Variants in TBX15 observed in about 807,000 individuals in gnomAD.
TBX15 encodes T-box transcription factor 15.
Under a neutral mutation model 53.9 loss-of-function variants are expected in TBX15, and 18 were observed. The ratio of observed to expected loss-of-function variants is 0.33; its 90% CI spans 0.23 to 0.49. The LOEUF (loss-of-function observed/expected upper bound fraction) is 0.49, where lower values mean the gene tolerates loss of function less well. Among genes scored for constraint, TBX15 ranks in the 20% least tolerant of loss-of-function variants. The pLI, the probability that TBX15 is intolerant of heterozygous loss-of-function variation, is 0.98. For missense variants in TBX15, 692 were observed against 749.5 expected, an observed-to-expected ratio of 0.92 and a Z score of 0.90; for synonymous variants, 295 against 278.0, an observed-to-expected ratio of 1.06 and a Z score of -0.61.
In TBX15 at chr1:118,885,012, G is replaced by A; in HGVS notation, c.1529C>T (p.Ser510Phe). 1.2e-6 allele frequency: 2 copies of A among 1,614,164 alleles called. No individual in the cohort carries two copies. The highest frequency in any genetic ancestry group is 1.7e-6 in the Non-Finnish European group (2 of 1,180,036). Residue 510 changes from serine (S) to phenylalanine (F), a missense_variant, in exon 8 of 8, where the codon TCC (serine) becomes TTC (phenylalanine). Coordinates refer to ENST00000369429, the MANE Select transcript of TBX15 (RefSeq NM_001330677.2). ...HMQQSSYNAFSLHNPYNLYGY... is the reference protein window; with the variant it reads ...HMQQSSYNAFFLHNPYNLYGY... ...ATACAGGTTGTAAGGGTTGTGAAGG[G>A]AGAAGGCATTGTAGGAGCTCTGCTG...
At chr1:118,904,597 T>G (rs1026842249) in intron 6 of TBX15, among the ~76,000 whole-genome samples, 2 of 152,202 alleles carry the variant, frequency 1.3e-5, no homozygotes, top group Non-Finnish European at 2.9e-5. Flanking sequence ...GAGTTAAAAT[T>G]GCTCCTTACC....
intron 5 of TBX15, among the ~76,000 whole-genome samples, chr1:118,918,276 G>A (rs1305034962): frequency 6.6e-6 from 1 of 152,090 alleles, no homozygotes; most frequent in East Asian, 1.9e-4. Flanking sequence ...CCACAGGTAG[G>A]AACCATGTCT....
intron 5 of TBX15, among the ~76,000 whole-genome samples, chr1:118,920,175 G>A (rs1655377311): frequency 1.3e-5 from 2 of 152,088 alleles, no homozygotes. Context: ...ATTTGTAAAA[G>A]GTACAACTTT....
intron 1 of TBX15, among the ~76,000 whole-genome samples, chr1:118,941,887 T>G (rs1656187848): frequency 6.6e-6 from 1 of 152,204 alleles, no homozygotes; most frequent in Non-Finnish European, 1.5e-5. Context: ...AGCAAGTCAC[T>G]TAACTTCTTA....
At chr1:118,931,387 G>T (rs748586282) in intron 2 of TBX15, among the ~76,000 whole-genome samples, 2 of 152,182 alleles carry the variant, frequency 1.3e-5, no homozygotes, top group Non-Finnish European at 2.9e-5. Context: ...TTTGTAGGTG[G>T]AAAATGTTTG....
In TBX15 at chr1:118,885,228, A is replaced by G. The variant is rs2101422778; in HGVS notation, c.1313T>C (p.Phe438Ser). ...CAGGGATGGAGTCCTCTGAGGCATG[A>G]AGGTTTCAGAGGGCTGAGTGGCTGA... is the stretch of plus-strand genomic sequence containing the variant. ...TTSATQPSET[F>S]MPQRTPSLIS... Residue 438 changes from phenylalanine (F) to serine (S), a missense_variant, in exon 8 of 8, where the codon TTC (phenylalanine) becomes TCC (serine). Physicochemically the swap from Phe to Ser is radical, Grantham distance 155. Coordinates refer to ENST00000369429, the MANE Select transcript of TBX15 (RefSeq NM_001330677.2). 6.2e-7 allele frequency: 1 copy of G among 1,614,120 alleles called. No homozygotes were observed. Among genetic ancestry groups the G allele is most frequent in the African/African-American group, 1.3e-5 (1 of 75,034 alleles).
At chr1:118,970,598 T>G (rs1459325119) in intron 1 of TBX15, among the ~76,000 whole-genome samples, 1 of 152,210 alleles carries the variant, frequency 6.6e-6, no homozygotes, top group Non-Finnish European at 1.5e-5. Flanking sequence ...GTTTTTCTCC[T>G]TGACCATCTG....
intron 5 of TBX15, among the ~76,000 whole-genome samples, chr1:118,922,557 A>G (rs1655458151): frequency 6.6e-6 from 1 of 152,192 alleles, no homozygotes; most frequent in African/African-American, 2.4e-5. Context: ...AATACCACAC[A>G]ATGTCAGTGA....
At chr1:118,960,120 T>G (rs558825132) in intron 1 of TBX15, among the ~76,000 whole-genome samples, 3 of 151,342 alleles carry the variant, frequency 2.0e-5, no homozygotes, top group African/African-American at 7.3e-5. Flanking sequence ...GAGAAGAATG[T>G]CTGGCAGGAG....
intron 1 of TBX15, among the ~76,000 whole-genome samples, chr1:118,972,773 T>A (rs1389913349): frequency 6.6e-6 from 1 of 152,124 alleles, no homozygotes; most frequent in Non-Finnish European, 1.5e-5. Context: ...CTAATTTTTG[T>A]ATTTTTAGTA....
intron 1 of TBX15, among the ~76,000 whole-genome samples, chr1:118,940,081 GC>G (rs758968969): frequency 7.2e-5 from 11 of 151,806 alleles, no homozygotes; most frequent in Non-Finnish European, 1.3e-4. Context: ...AACTAGAACT[GC>G]AGAGCTGTGC....
At chr1:118,986,145 G>A (rs1379055674) in intron 1 of TBX15, among the ~76,000 whole-genome samples, 1 of 152,190 alleles carries the variant, frequency 6.6e-6, no homozygotes, top group African/African-American at 2.4e-5. Context: ...CATAACCCCT[G>A]CAAGAACTTC....
intron 1 of TBX15, among the ~76,000 whole-genome samples, chr1:118,938,287 T>C (rs1318274212): frequency 6.6e-6 from 1 of 151,974 alleles, no homozygotes; most frequent in Admixed American, 6.6e-5. Context: ...GAAAAGGGAG[T>C]AACCTGAAGC....
chr1:118,889,428 G>A (rs1654059976), intron 7 of TBX15, among the ~76,000 whole-genome samples: 1 of 152,286 alleles, frequency 6.6e-6, no homozygotes, highest in African/African-American at 2.4e-5. Flanking sequence ...GAAAAGCTAG[G>A]GCAGGGTGGG....
chr1:118,928,214 A>G (rs933839776), intron 2 of TBX15, among the ~76,000 whole-genome samples: 10 of 152,364 alleles, frequency 6.6e-5, no homozygotes, highest in East Asian at 1.9e-4. Flanking sequence ...AGAAAGCACA[A>G]GAAGGATCAC....
intron 6 of TBX15, among the ~76,000 whole-genome samples, chr1:118,912,334 G>A (rs1026503966): frequency 6.6e-6 from 1 of 151,844 alleles, no homozygotes; most frequent in African/African-American, 2.4e-5. Flanking sequence ...TTGAAAATCT[G>A]AAGAAAGATA....
intron 1 of TBX15, among the ~76,000 whole-genome samples, chr1:118,957,569 C>T (rs1269120477): frequency 1.3e-5 from 2 of 152,140 alleles, no homozygotes; most frequent in Non-Finnish European, 2.9e-5. Flanking sequence ...GTGCTGCACC[C>T]ATTAACTCGT....
At chr1:118,953,938 C>G (rs1169375067) in intron 1 of TBX15, among the ~76,000 whole-genome samples, 2 of 152,162 alleles carry the variant, frequency 1.3e-5, no homozygotes, top group African/African-American at 4.8e-5. Flanking sequence ...CTTTGCCTAC[C>G]CTTCTAAGTT....
intron 1 of TBX15, among the ~76,000 whole-genome samples, chr1:118,968,927 G>T (rs552150855): frequency 4.6e-5 from 7 of 152,144 alleles, no homozygotes; most frequent in Admixed American, 1.3e-4. Flanking sequence ...TCTTTGAAAA[G>T]TATTAATATG....
Sources: allele counts gnomAD v4.1 joint callset (sites outside exome capture counted in the v4.1 genomes callset), GRCh38; gene constraint gnomAD v4.1.1; transcripts MANE v1.5; gene names NCBI Gene and HGNC (gene_info 2026-07-23, HGNC 2026-07-21).